The following TCF4 variants were observed in gnomAD, a reference collection of about 807,000 sequenced individuals.
TCF4 encodes SL3-3 enhancer factor 2.
A neutral mutation model predicts 82.1 loss-of-function variants in TCF4; 3 were observed. The ratio of observed to expected loss-of-function variants is 0.04; its 90% CI spans 0.02 to 0.09. The LOEUF (loss-of-function observed/expected upper bound fraction) is 0.09, where lower values mean the gene tolerates loss of function less well. TCF4 is among the 10% of genes least tolerant of loss of function. The pLI is 1.00. For missense variants in TCF4, 518 were observed against 852.7 expected (o/e 0.61, Z 4.89); for synonymous variants, 276 against 309.6 (o/e 0.89, Z 1.14).
chr18:55,470,367 C>A (rs1336594986), intron 3 of TCF4, among the ~76,000 whole-genome samples: 1 of 152,202 alleles, frequency 6.6e-6, no homozygotes, highest in African/African-American at 2.4e-5. Context: ...TAGAAACACC[C>A]AAAACGTTTA....
chr18:55,574,047 T>C (rs1169731206), intron 3 of TCF4, among the ~76,000 whole-genome samples: 1 of 152,180 alleles, frequency 6.6e-6, no homozygotes, highest in East Asian at 1.9e-4. Context: ...ACATCCAAAA[T>C]TTTAATTTCT....
intron 5 of TCF4, among the ~76,000 whole-genome samples, chr18:55,414,676 C>T (rs2094466316): frequency 6.6e-6 from 1 of 152,138 alleles, no homozygotes; most frequent in African/African-American, 2.4e-5. Flanking sequence ...GCTCTCCACC[C>T]AGGCAATGGT....
chr18:55,239,428 C>T (rs145736243), intron 15 of TCF4, among the ~76,000 whole-genome samples: 1 of 152,098 alleles, frequency 6.6e-6, no homozygotes, highest in East Asian at 1.9e-4. Context: ...CAACACTGAA[C>T]AATTATATAG....
Position 55,386,873 on chromosome 18 carries a change from G to A in TCF4, c.369+16581C>T, listed in dbSNP as rs1211478238. Among the ~76,000 whole-genome samples the A allele has an allele frequency of 2.0e-5, 3 of 152,120 alleles. No individual in the cohort carries two copies. In the East Asian group the frequency reaches 5.8e-4, roughly 29 times the overall value. Reference sequence around the variant, plus strand: ...ATTTCTGGGGAGACTGGAATATAAGGGGTGCTCCAGTTGAGTAGTAACAGC... The same window carrying A: ...ATTTCTGGGGAGACTGGAATATAAGAGGTGCTCCAGTTGAGTAGTAACAGC... On this transcript the variant is annotated intron_variant, in intron 6 of 19. Coordinates refer to ENST00000354452, the MANE Select transcript of TCF4 (RefSeq NM_001083962.2).
At chr18:55,271,208 G>A (rs542235024) in intron 10 of TCF4, among the ~76,000 whole-genome samples, 1 of 152,054 alleles carries the variant, frequency 6.6e-6, no homozygotes, top group South Asian at 2.1e-4. Flanking sequence ...CTTCTCTCTA[G>A]GTCCCTAATG....
intron 6 of TCF4, among the ~76,000 whole-genome samples, chr18:55,371,501 G>A (rs1207459104): frequency 1.3e-5 from 2 of 152,144 alleles, no homozygotes; most frequent in African/African-American, 4.8e-5. Flanking sequence ...ACATATGTTA[G>A]TACAAAAGGA....
intron 8 of TCF4, among the ~76,000 whole-genome samples, chr18:55,305,382 C>T (rs747089659): frequency 6.6e-6 from 1 of 152,162 alleles, no homozygotes; most frequent in African/African-American, 2.4e-5. Context: ...TGTACATGGT[C>T]ACTTCCAAAT....
At chr18:55,292,279 A>T (rs1378708649) in intron 8 of TCF4, among the ~76,000 whole-genome samples, 1 of 152,128 alleles carries the variant, frequency 6.6e-6, no homozygotes, top group Non-Finnish European at 1.5e-5. Flanking sequence ...AGTAAGAATG[A>T]CCCTTTCATA....
intron 3 of TCF4, among the ~76,000 whole-genome samples, chr18:55,528,893 C>G (rs1479917671): frequency 6.6e-6 from 1 of 152,054 alleles, no homozygotes; most frequent in African/African-American, 2.4e-5. Context: ...AACAAAAGAC[C>G]TTGGCTGGAC....
intron 8 of TCF4, among the ~76,000 whole-genome samples, chr18:55,304,180 A>C (rs1188039197): frequency 1.3e-5 from 2 of 152,228 alleles, no homozygotes; most frequent in Non-Finnish European, 2.9e-5. Context: ...ATAGGAAAAG[A>C]AGCCCAGAAG....
In TCF4 at chr18:55,392,530, T is replaced by G. The variant is rs77119181; in HGVS notation, c.369+10924A>C. 4.6e-3 allele frequency among the ~76,000 whole-genome samples: 696 copies of G among 150,998 alleles called. 6 individuals carry two copies. Among genetic ancestry groups the G allele is most frequent in the African/African-American group, 0.015 (636 of 41,248 alleles). ...TTTTCTACCTTCTCTATAACAGTCA[T>G]CACCTCATATTTATCCGTGACTTGA... On this transcript the variant is annotated intron_variant, in intron 6 of 19. Coordinates refer to ENST00000354452, the MANE Select transcript of TCF4 (RefSeq NM_001083962.2).
chr18:55,294,044 G>A (rs1363948394), intron 8 of TCF4, among the ~76,000 whole-genome samples: 2 of 139,684 alleles, frequency 1.4e-5, no homozygotes, highest in African/African-American at 5.3e-5. Context: ...CGGATCACTT[G>A]AGGTCAGGAA....
rs571844851 is a variant in TCF4 at position 55,563,641 on chromosome 18, A to G, written c.145+21639T>C. ...CCCTCCACAAGGTATGGCCTTGGCC[A>G]GCCTAGGGGAATCTCTGAATCTCAG... On this transcript the variant is annotated intron_variant, in intron 3 of 19. Transcript: ENST00000354452. 1.6e-4 allele frequency among the ~76,000 whole-genome samples: 24 copies of G among 152,354 alleles called. No individual in the cohort carries two copies. In the South Asian group the frequency reaches 2.1e-3, roughly 13 times the overall value.
At chr18:55,393,229 T>C (rs773370681) in intron 6 of TCF4, among the ~76,000 whole-genome samples, 1 of 152,110 alleles carries the variant, frequency 6.6e-6, no homozygotes, top group South Asian at 2.1e-4. Context: ...CCAGCCATGG[T>C]GGTATATGCC....
At chr18:55,616,667 G>T (rs543284092) in intron 2 of TCF4, among the ~76,000 whole-genome samples, 3 of 152,056 alleles carry the variant, frequency 2.0e-5, no homozygotes, top group East Asian at 1.9e-4. Flanking sequence ...ACAGGTGTGA[G>T]GTGATATCTC....
intron 5 of TCF4, among the ~76,000 whole-genome samples, chr18:55,446,187 G>A (rs2095521800): frequency 6.6e-6 from 1 of 152,130 alleles, no homozygotes; most frequent in Admixed American, 6.5e-5. Flanking sequence ...GAGCCAGCTT[G>A]CAAGAAAGAA....
intron 8 of TCF4, among the ~76,000 whole-genome samples, chr18:55,336,107 A>C (rs2078574621): frequency 6.6e-6 from 1 of 152,094 alleles, no homozygotes; most frequent in Non-Finnish European, 1.5e-5. Flanking sequence ...AATTATGTCA[A>C]ATCAAGAGCA....
intron 3 of TCF4, among the ~76,000 whole-genome samples, chr18:55,475,776 G>C (rs1329946513): frequency 6.6e-6 from 1 of 152,128 alleles, no homozygotes. Flanking sequence ...ATTTGAATTG[G>C]TAAGAAATAT....
At chr18:55,490,597 T>C (rs1295182831) in intron 3 of TCF4, among the ~76,000 whole-genome samples, 1 of 151,962 alleles carries the variant, frequency 6.6e-6, no homozygotes, top group East Asian at 1.9e-4. Context: ...TTTAGATAGT[T>C]TGATTTAGAA....
Sources: gnomAD v4.1 joint callset for allele counts (sites outside exome capture counted in the v4.1 genomes callset) on GRCh38, gnomAD v4.1.1 for gene constraint, MANE v1.5 for transcripts, NCBI Gene and HGNC (gene_info 2026-07-23, HGNC 2026-07-21) for gene names.